Variants in DCC observed in about 807,000 individuals in gnomAD.
DCC encodes the protein netrin receptor DCC.
DCC carries 58 observed loss-of-function variants against 172.5 expected under a neutral mutation model. The ratio of observed to expected loss-of-function variants is 0.34; its 90% confidence interval spans 0.27 to 0.42. DCC has a LOEUF of 0.42. Ranked by LOEUF, DCC falls within the 10% of genes least tolerant of loss-of-function variation. The pLI, the probability that DCC is intolerant of heterozygous loss-of-function variation, is 1.00. For missense variants in DCC, 1,740 were observed against 1,791.0 expected, an observed-to-expected ratio of 0.97 and a Z score of 0.51; for synonymous variants, 709 against 644.5, an observed-to-expected ratio of 1.10 and a Z score of -1.52.
At chr18:53,200,048 A>T (rs746941524) in intron 9 of DCC, among the ~76,000 whole-genome samples, 4 of 152,210 alleles carry the variant, frequency 2.6e-5, no homozygotes, top group African/African-American at 4.8e-5. Flanking sequence ...GCAATTGATA[A>T]AAACGCATCC....
At chr18:53,284,637 G>C (rs1447566251) in intron 12 of DCC, among the ~76,000 whole-genome samples, 1 of 152,120 alleles carries the variant, frequency 6.6e-6, no homozygotes, top group Non-Finnish European at 1.5e-5. Flanking sequence ...ACAGTAAATT[G>C]GTAGTGGGAG....
At chr18:53,296,666 G>A (rs930007592) in intron 12 of DCC, among the ~76,000 whole-genome samples, 15 of 152,062 alleles carry the variant, frequency 9.9e-5, no homozygotes, top group Admixed American at 3.9e-4. Flanking sequence ...GGCAGAAAAG[G>A]GACTCAGTGA....
intron 5 of DCC, among the ~76,000 whole-genome samples, chr18:53,023,401 C>CAAAAAAAAAAAAAAAAAAAAAAA (rs869070422): frequency 1.6e-4 from 4 of 24,426 alleles, no homozygotes; most frequent in African/African-American, 3.8e-4. Context: ...TAACTCAGAC[C>CAAAAAAAAAAAAAAAAAAAAAAA]AAAAAAAAAA....
At chr18:52,353,537 G>A (rs1984223972) in intron 1 of DCC, among the ~76,000 whole-genome samples, 1 of 152,180 alleles carries the variant, frequency 6.6e-6, no homozygotes, top group Non-Finnish European at 1.5e-5. Context: ...GATTGGGGAT[G>A]GTCTTCAGGG....
chr18:52,417,137 A>G (rs1235643020), intron 1 of DCC, among the ~76,000 whole-genome samples: 2 of 152,050 alleles, frequency 1.3e-5, no homozygotes, highest in Non-Finnish European at 2.9e-5. Flanking sequence ...TATGAAGCTT[A>G]GTTTGGCTGG....
chr18:53,085,971 C>T (rs1266202069), intron 7 of DCC, among the ~76,000 whole-genome samples: 2 of 66,738 alleles, frequency 3.0e-5, no homozygotes, highest in African/African-American at 1.5e-4. Flanking sequence ...TCTTCTTCTT[C>T]TTCTTCTTCT....
chr18:52,702,730 A>T (rs1383237447), intron 1 of DCC, among the ~76,000 whole-genome samples: 3 of 152,156 alleles, frequency 2.0e-5, no homozygotes, highest in Non-Finnish European at 4.4e-5. Context: ...GGGAATTCAC[A>T]TTGCAAATTG....
chr18:52,932,293 C>T (rs1454585740), intron 5 of DCC, among the ~76,000 whole-genome samples: 1 of 152,142 alleles, frequency 6.6e-6, no homozygotes, highest in East Asian at 1.9e-4. Context: ...CCATCCCCAA[C>T]TTTTACCCAG....
At chr18:53,151,150 T>G (rs577176471) in intron 7 of DCC, among the ~76,000 whole-genome samples, 1 of 152,384 alleles carries the variant, frequency 6.6e-6, no homozygotes, top group Admixed American at 6.5e-5. Flanking sequence ...AAATTCATTT[T>G]ATCAAAGAGT....
chr18:52,801,941 G>C (rs1342743199), intron 2 of DCC, among the ~76,000 whole-genome samples: 6 of 151,876 alleles, frequency 4.0e-5, no homozygotes, highest in Non-Finnish European at 7.4e-5. Flanking sequence ...AGTTAAGCCA[G>C]ATGTGTCTAT....
chr18:53,075,508 A>C (rs761670013), intron 7 of DCC, among the ~76,000 whole-genome samples: 60 of 151,970 alleles, frequency 3.9e-4, no homozygotes, highest in Non-Finnish European at 8.1e-4. Flanking sequence ...TGATCACATC[A>C]TACTTCAGTG....
intron 1 of DCC, among the ~76,000 whole-genome samples, chr18:52,543,255 A>G (rs565817123): frequency 2.0e-4 from 31 of 152,360 alleles, no homozygotes; most frequent in African/African-American, 7.2e-4. Flanking sequence ...TTAGTCTCCT[A>G]TTCAACCCAA....
chr18:53,369,149 T>A (rs1350258003), intron 15 of DCC, among the ~76,000 whole-genome samples: 1 of 151,968 alleles, frequency 6.6e-6, no homozygotes, highest in Non-Finnish European at 1.5e-5. Context: ...AAGTCTTTTA[T>A]CTCCTTGGCT....
At chr18:52,917,492 A>G (rs2040059904) in intron 3 of DCC, among the ~76,000 whole-genome samples, 1 of 152,174 alleles carries the variant, frequency 6.6e-6, no homozygotes, top group African/African-American at 2.4e-5. Context: ...TTTGGGATTC[A>G]CTGTCTGCAT....
intron 1 of DCC, among the ~76,000 whole-genome samples, chr18:52,639,625 T>G (rs1193650511): frequency 1.3e-5 from 2 of 151,974 alleles, no homozygotes; most frequent in African/African-American, 2.4e-5. Flanking sequence ...TTAGATACCC[T>G]GAACAGAGCA....
At chr18:52,859,551 C>CAA (rs2039105301) in intron 2 of DCC, among the ~76,000 whole-genome samples, 1 of 152,066 alleles carries the variant, frequency 6.6e-6, no homozygotes, top group Non-Finnish European at 1.5e-5. Context: ...GCCTGGATAG[C>CAA]AAAAGGTCTT....
At chr18:52,505,013 T>C (rs1331287079) in intron 1 of DCC, among the ~76,000 whole-genome samples, 1 of 152,174 alleles carries the variant, frequency 6.6e-6, no homozygotes, top group African/African-American at 2.4e-5. Context: ...GCAGTCCTAA[T>C]TGTTTTTCTT....
chr18:52,414,030 G>A (rs1291721788), intron 1 of DCC, among the ~76,000 whole-genome samples: 1 of 152,136 alleles, frequency 6.6e-6, no homozygotes, highest in Admixed American at 6.6e-5. Flanking sequence ...GATATTCACA[G>A]TATCTTTGAT....
intron 1 of DCC, among the ~76,000 whole-genome samples, chr18:52,430,387 A>G: frequency 7.5e-6 from 1 of 133,134 alleles, no homozygotes; most frequent in East Asian, 1.9e-4. Flanking sequence ...ATACTTTTAC[A>G]GTACAAGAAA....
Sources: allele counts gnomAD v4.1 joint callset (sites outside exome capture counted in the v4.1 genomes callset), GRCh38; gene constraint gnomAD v4.1.1; transcripts MANE v1.5; gene names NCBI Gene and HGNC (gene_info 2026-07-23, HGNC 2026-07-21).